PRELID2: variants seen among roughly 807,000 people sequenced by gnomAD.
The protein encoded by PRELID2 is PRELI domain containing 2, also known as PRELI domain-containing protein 2.
In PRELID2, 25 loss-of-function variants were observed where a neutral mutation model predicts 28.4. That is an observed-to-expected ratio of 0.88 (90% CI 0.64 to 1.23). The LOEUF (loss-of-function observed/expected upper bound fraction) is 1.23, where lower values mean the gene tolerates loss of function less well. PRELID2 is among the 50% of genes most tolerant of loss of function. The pLI, the probability that PRELID2 is intolerant of heterozygous loss-of-function variation, is 0.00. For synonymous variants in PRELID2, 76 were observed against 71.6 expected (o/e 1.06, Z -0.31); for missense variants, 201 against 214.4 (o/e 0.94, Z 0.39).
In PRELID2 at chr5:145,555,929, T is replaced by G. The variant is rs567547575; in HGVS notation, n.71-82614A>C. On this transcript the variant is annotated intron_variant and non_coding_transcript_variant, in intron 1 of 2. Coordinates refer to the PRELID2 transcript ENST00000510259. ...CAGGCCAGACATGGTGGCTCATGATTGTAATCATAGAACTTTGGGAAGCCG... is the reference window on the plus strand; with the variant it reads ...CAGGCCAGACATGGTGGCTCATGATGGTAATCATAGAACTTTGGGAAGCCG... 8.9e-4 allele frequency among the ~76,000 whole-genome samples: 136 copies of G among 152,166 alleles called. 1 individual carries two copies. The highest frequency in any genetic ancestry group is 3.1e-3 in the African/African-American group (130 of 41,524).
At chr5:145,255,837 A>G in the PRELID2 span, among the ~76,000 whole-genome samples, 2 of 151,926 alleles carry the variant, frequency 1.3e-5, no homozygotes, top group Admixed American at 6.6e-5. Flanking sequence ...AAAATAATAG[A>G]ACATCCAAGA....
chr5:145,508,257 CAGAT>C (rs58785072), intron 1 of PRELID2, among the ~76,000 whole-genome samples: 22,451 of 149,530 alleles, frequency 0.15, 1,983 homozygotes, highest in Non-Finnish European at 0.18. Context: ...TTTGCATAGA[CAGAT>C]AGATAGATAG....
At chr5:145,229,781 C>T in the PRELID2 span, 1 of 755,618 alleles carries the variant, frequency 1.3e-6, no homozygotes, top group East Asian at 2.4e-5. Context: ...AGCTGATATA[C>T]ACCAGTTTCT....
At chr5:145,721,253 T>C (rs1755981780) in intron 1 of PRELID2, among the ~76,000 whole-genome samples, 1 of 152,112 alleles carries the variant, frequency 6.6e-6, no homozygotes. Context: ...AAATGATGTC[T>C]TAGTATTATT....
intron 1 of PRELID2, among the ~76,000 whole-genome samples, chr5:145,630,156 G>A (rs533689385): frequency 6.6e-6 from 1 of 152,222 alleles, no homozygotes; most frequent in East Asian, 1.9e-4. Flanking sequence ...ATGGATGGAT[G>A]GATGGATGAG....
the PRELID2 span, among the ~76,000 whole-genome samples, chr5:145,265,317 G>A: frequency 6.6e-6 from 1 of 152,126 alleles, no homozygotes; most frequent in Admixed American, 6.5e-5. Flanking sequence ...AGAAATCATA[G>A]ATGACACAAA....
chr5:145,499,606 G>T (rs1030415397), intron 1 of PRELID2, among the ~76,000 whole-genome samples: 1 of 152,168 alleles, frequency 6.6e-6, no homozygotes, highest in Admixed American at 6.5e-5. Context: ...GGTTTCATTA[G>T]CATTTCCTTT....
chr5:145,728,474 G>C, intron 1 of PRELID2: 2 of 659,496 alleles, frequency 3.0e-6, no homozygotes, highest in East Asian at 5.2e-5. Context: ...AAGGGAACAG[G>C]AAGTGTTCTC....
At position 145,708,907 on chromosome 5, in the gene PRELID2, C is replaced by G. The variant is rs76060195; in HGVS notation, n.70+56024G>C. 6.7e-3 allele frequency among the ~76,000 whole-genome samples: 1,026 copies of G among 152,300 alleles called. 6 individuals are homozygous for G. The highest frequency in any genetic ancestry group is 0.023 in the African/African-American group (961 of 41,566). ...CTCGTGTGCTTTTGTGGAAAATTCC[C>G]CCAGCAAGCTGGCATCAAAGACACT... On this transcript the variant is annotated intron_variant and non_coding_transcript_variant, in intron 1 of 2. Transcript: ENST00000510259.
intron 1 of PRELID2, among the ~76,000 whole-genome samples, chr5:145,551,400 CTAAATAAATAAA>C (rs10574544): frequency 3.4e-4 from 51 of 147,912 alleles, no homozygotes; most frequent in Non-Finnish European, 4.9e-4. Context: ...GACTCAGTCT[CTAAATAAATAAA>C]TAAATAAATA....
chr5:145,702,381 A>G (rs17103640), intron 1 of PRELID2, among the ~76,000 whole-genome samples: 8,565 of 152,202 alleles, frequency 0.056, 314 homozygotes, highest in Admixed American at 0.12. Flanking sequence ...AAAGTAAAGG[A>G]ACTATAGTAG....
the PRELID2 span, among the ~76,000 whole-genome samples, chr5:145,358,112 C>T: frequency 1.3e-5 from 2 of 152,032 alleles, no homozygotes; most frequent in African/African-American, 4.8e-5. Context: ...CTGCAGTTGG[C>T]AGACAGGCCA....
intron 1 of PRELID2, among the ~76,000 whole-genome samples, chr5:145,661,633 A>C (rs941540644): frequency 1.3e-5 from 2 of 149,844 alleles, no homozygotes; most frequent in African/African-American, 4.9e-5. Flanking sequence ...CACCGTGGAC[A>C]TGATTCCAGG....
At chr5:145,684,789 C>A (rs1248448981) in intron 1 of PRELID2, among the ~76,000 whole-genome samples, 1 of 152,102 alleles carries the variant, frequency 6.6e-6, no homozygotes, top group African/African-American at 2.4e-5. Flanking sequence ...ATGACCAGCA[C>A]CAGCATTTGG....
the PRELID2 span, among the ~76,000 whole-genome samples, chr5:145,305,342 A>G: frequency 2.0e-5 from 3 of 152,186 alleles, no homozygotes; most frequent in East Asian, 3.9e-4. Context: ...GTACCTTGGC[A>G]AGTAGAAATT....
At chr5:145,490,334 C>A (rs1179239107) in intron 1 of PRELID2, among the ~76,000 whole-genome samples, 1 of 152,172 alleles carries the variant, frequency 6.6e-6, no homozygotes. Flanking sequence ...ACTGAACACA[C>A]AAACACACCT....
intron 1 of PRELID2, among the ~76,000 whole-genome samples, chr5:145,688,301 T>A (rs1011962950): frequency 1.3e-5 from 2 of 152,208 alleles, no homozygotes; most frequent in African/African-American, 4.8e-5. Flanking sequence ...GTCCTTTGGA[T>A]GAAAGATAAA....
intron 1 of PRELID2, among the ~76,000 whole-genome samples, chr5:145,673,614 TA>T (rs1456723370): frequency 6.7e-6 from 1 of 149,574 alleles, no homozygotes; most frequent in Non-Finnish European, 1.5e-5. Flanking sequence ...ATCATATCAA[TA>T]AATATAAATG....
chr5:145,741,350 A>T (rs1467980756), intron 1 of PRELID2, among the ~76,000 whole-genome samples: 11 of 116,316 alleles, frequency 9.5e-5, no homozygotes, highest in Non-Finnish European at 1.1e-4. Context: ...AAAATTTATT[A>T]ATAAATAATT....
Sources: gnomAD v4.1 joint callset for allele counts (sites outside exome capture counted in the v4.1 genomes callset) on GRCh38, gnomAD v4.1.1 for gene constraint, MANE v1.5 for transcripts, NCBI Gene and HGNC (gene_info 2026-07-23, HGNC 2026-07-21) for gene names.